The following DNAH12 variants were observed in gnomAD, a reference collection of about 807,000 sequenced individuals.
DNAH12 encodes dynein axonemal heavy chain 12.
In DNAH12, 285 loss-of-function variants were observed where a neutral mutation model predicts 371.5. That is an observed-to-expected ratio of 0.77 (90% confidence interval 0.70 to 0.85). The LOEUF is 0.85. Among genes scored for constraint, DNAH12 ranks in the 40% least tolerant of loss-of-function variants. DNAH12 has a pLI of 0.00. For missense variants in DNAH12, 3,611 were observed against 3,689.4 expected (o/e 0.98, Z 0.55); for synonymous variants, 1,200 against 1,213.0 (o/e 0.99, Z 0.22).
At chr3:57,407,906 TAG>T (rs1332137936) in intron 40 of DNAH12, among the ~76,000 whole-genome samples, 3 of 152,078 alleles carry the variant, frequency 2.0e-5, no homozygotes, top group Non-Finnish European at 4.4e-5. Flanking sequence ...GGAGGGAAGA[TAG>T]AGAGAAAAAA....
chr3:57,395,626 G>A (rs2063720846), intron 43 of DNAH12, among the ~76,000 whole-genome samples: 1 of 151,932 alleles, frequency 6.6e-6, no homozygotes, highest in East Asian at 1.9e-4. Context: ...ATCATGTCAG[G>A]TTTATAATTA....
At position 57,424,783 on chromosome 3, in the gene DNAH12, C is replaced by G. The variant is rs2064708651; in HGVS notation, c.5373+239G>C. 3.5e-5 allele frequency among the ~76,000 whole-genome samples: 4 copies of G among 115,330 alleles called. No homozygotes were observed. In the East Asian group the frequency reaches 9.0e-4, roughly 26 times the overall value. The allele number at this position is 115,330 out of a possible 152,430, so 75.7% of individuals were successfully genotyped here. ...CTGGGTGACAGAGTGAGACTCTGCC[C>G]TGTCTCCAAAAAAAAAAAAAAAAAG... On this transcript the variant is annotated intron_variant, in intron 35 of 73. Coordinates refer to ENST00000495027, the MANE Select transcript of DNAH12 (RefSeq NM_001366028.2).
chr3:57,499,647 A>AAAATATATATATATATATATAT (rs1451248906), intron 11 of DNAH12, among the ~76,000 whole-genome samples: 2 of 17,958 alleles, frequency 1.1e-4, no homozygotes, highest in Non-Finnish European at 2.4e-4. Flanking sequence ...AAAAAAAAAA[A>AAAATATATATATATATATATAT]ATATATATAT....
At chr3:57,495,700 C>T (rs2067289474) in intron 11 of DNAH12, among the ~76,000 whole-genome samples, 1 of 144,686 alleles carries the variant, frequency 6.9e-6, no homozygotes, top group South Asian at 2.1e-4. Context: ...TTTACAGTCT[C>T]ACCAGATTAT....
intron 49 of DNAH12, among the ~76,000 whole-genome samples, chr3:57,383,610 G>GGT (rs2063440338): frequency 7.4e-6 from 1 of 134,608 alleles, no homozygotes; most frequent in South Asian, 2.5e-4. Context: ...AGCCAGGCAT[G>GGT]GTGTCATGTG....
chr3:57,467,900 C>T (rs1439937232), intron 17 of DNAH12, among the ~76,000 whole-genome samples: 1 of 152,062 alleles, frequency 6.6e-6, no homozygotes, highest in African/African-American at 2.4e-5. Context: ...GAATGAGACA[C>T]CAAAACATCA....
intron 29 of DNAH12, among the ~76,000 whole-genome samples, chr3:57,443,064 T>C (rs1391914456): frequency 2.6e-5 from 4 of 152,182 alleles, no homozygotes; most frequent in Admixed American, 1.3e-4. Flanking sequence ...ATTTCATTAA[T>C]TGCGTTAAAT....
At chr3:57,465,205 C>T (rs1037830872) in intron 17 of DNAH12, among the ~76,000 whole-genome samples, 6 of 152,042 alleles carry the variant, frequency 3.9e-5, no homozygotes, top group Non-Finnish European at 5.9e-5. Flanking sequence ...TTAGCTAACC[C>T]GTGGTCCTCA....
chr3:57,446,789 G>A, intron 25 of DNAH12, 100 bp from the exon 26 acceptor site: 3 of 1,168,034 alleles, frequency 2.6e-6, no homozygotes, highest in East Asian at 2.8e-5. Context: ...TGTAGCTTCA[G>A]AGAAGCCATT....
intron 29 of DNAH12, among the ~76,000 whole-genome samples, chr3:57,442,411 T>C (rs2065336840): frequency 6.6e-6 from 1 of 152,142 alleles, no homozygotes; most frequent in Non-Finnish European, 1.5e-5. Flanking sequence ...ATAATGAAAC[T>C]ATACCATTTA....
At chr3:57,366,498 C>A (rs2063055371) in intron 57 of DNAH12, among the ~76,000 whole-genome samples, 1 of 152,110 alleles carries the variant, frequency 6.6e-6, no homozygotes, top group Non-Finnish European at 1.5e-5. Flanking sequence ...GATCCCTTTC[C>A]TGTAACAATG....
At chr3:57,325,233 C>G (rs373221385) in intron 62 of DNAH12, among the ~76,000 whole-genome samples, 4 of 152,226 alleles carry the variant, frequency 2.6e-5, no homozygotes, top group African/African-American at 9.6e-5. Context: ...TCCCCCAGCA[C>G]GCAGCTGGAG....
chr3:57,338,588 C>A (rs1176189087), intron 60 of DNAH12, among the ~76,000 whole-genome samples: 3 of 149,616 alleles, frequency 2.0e-5, no homozygotes, highest in African/African-American at 7.4e-5. Context: ...CTCTGCCCGG[C>A]CACCACCCCG....
At chr3:57,519,440 G>C (rs1253670878) in intron 4 of DNAH12, among the ~76,000 whole-genome samples, 1 of 152,112 alleles carries the variant, frequency 6.6e-6, no homozygotes, top group Non-Finnish European at 1.5e-5. Flanking sequence ...ATACCACAGA[G>C]GTAGAAAGGA....
chr3:57,480,734 T>C (rs1255736367), intron 13 of DNAH12, among the ~76,000 whole-genome samples: 8 of 152,168 alleles, frequency 5.3e-5, no homozygotes, highest in Admixed American at 2.6e-4. Flanking sequence ...ATCAAGTGGG[T>C]TTCATCCCTA....
rs562343761 is a variant in DNAH12, at chr3:57,438,918, C to CGAAAAAAAAAA, written c.4546-1859_4546-1858insTTTTTTTTTTC. On this transcript the variant is annotated intron_variant, in intron 29 of 73. Transcript: ENST00000495027. ...CAACAGAGTGAAACTCTGTCTCAGACAAAAAAAAAAAAAAGGAAAGCAACT... is the reference window on the plus strand; with the variant it reads ...CAACAGAGTGAAACTCTGTCTCAGACGAAAAAAAAAAAAAAAAAAAAAAAAGGAAAGCAACT... 1.9e-3 allele frequency among the ~76,000 whole-genome samples: 181 copies of CGAAAAAAAAAA among 94,484 alleles called. 14 individuals are homozygous for CGAAAAAAAAAA. The Middle Eastern group carries it at 0.022, about 12-fold the overall frequency. 62.0% of individuals were successfully genotyped at this position (94,484 alleles called of 152,430 possible). A position where few individuals can be genotyped will look rare whatever the true frequency, so the allele number is the denominator to read the frequency against.
intron 38 of DNAH12, 40 bp downstream of exon 38, chr3:57,415,382 CAAAA>C: frequency 6.5e-7 from 1 of 1,535,298 alleles, no homozygotes; most frequent in Non-Finnish European, 8.7e-7. Flanking sequence ...GCAAATAAGA[CAAAA>C]AAATTAACGA....
intron 38 of DNAH12, 84 bp from the exon 39 acceptor site, chr3:57,413,996 T>G (rs1248079092): frequency 1.4e-5 from 19 of 1,355,688 alleles, no homozygotes; most frequent in African/African-American, 3.0e-5. Context: ...TATCAACAAG[T>G]AAAACAACCC....
At chr3:57,470,125 T>TTA (rs1332494615) in intron 16 of DNAH12, among the ~76,000 whole-genome samples, 7 of 151,802 alleles carry the variant, frequency 4.6e-5, no homozygotes, top group East Asian at 3.9e-4. Flanking sequence ...AACTCATATA[T>TTA]TATATATATA....
Sources: allele counts gnomAD v4.1 joint callset (sites outside exome capture counted in the v4.1 genomes callset), GRCh38; gene constraint gnomAD v4.1.1; transcripts MANE v1.5; gene names NCBI Gene and HGNC (gene_info 2026-07-23, HGNC 2026-07-21).